The following DPP10 variants were observed in gnomAD, a reference collection of about 807,000 sequenced individuals.
DPP10 encodes the protein inactive dipeptidyl peptidase 10.
In DPP10, 33 loss-of-function variants were observed where a neutral mutation model predicts 120.9. The ratio of observed to expected loss-of-function variants is 0.27; its 90% CI spans 0.21 to 0.37. The LOEUF (loss-of-function observed/expected upper bound fraction) is 0.37. DPP10 is among the 10% of genes least tolerant of loss of function. The probability of loss-of-function intolerance (pLI) is 1.00; values close to 1 mark genes in which losing one functional copy is unlikely to be tolerated. For synonymous variants in DPP10, 337 were observed against 326.1 expected, an observed-to-expected ratio of 1.03 and a Z score of -0.36; for missense variants, 816 against 942.8, an observed-to-expected ratio of 0.87 and a Z score of 1.76.
intron 5 of DPP10, among the ~76,000 whole-genome samples, chr2:115,609,784 C>T (rs2149246986): frequency 6.6e-6 from 1 of 152,056 alleles, no homozygotes; most frequent in South Asian, 2.1e-4. Context: ...ATTAATGGCT[C>T]AGCTGTGAAT....
At chr2:115,154,277 C>A (rs542054537) in intron 1 of DPP10, among the ~76,000 whole-genome samples, 1 of 152,270 alleles carries the variant, frequency 6.6e-6, no homozygotes, top group East Asian at 1.9e-4. Flanking sequence ...ACATAATTCT[C>A]TCCAAATTCT....
At chr2:115,686,065 G>A (rs1233452250) in intron 5 of DPP10, among the ~76,000 whole-genome samples, 3 of 152,002 alleles carry the variant, frequency 2.0e-5, no homozygotes, top group East Asian at 1.9e-4. Context: ...AAGGTTGAAC[G>A]AGGTGACACT....
intron 3 of DPP10, among the ~76,000 whole-genome samples, chr2:115,494,681 C>G (rs1388097329): frequency 1.3e-5 from 2 of 151,972 alleles, no homozygotes; most frequent in African/African-American, 4.8e-5. Context: ...TTCATTTTTT[C>G]CACATTTTAT....
At chr2:114,559,312 C>T (rs1279934572) in intron 1 of DPP10, among the ~76,000 whole-genome samples, 4 of 152,134 alleles carry the variant, frequency 2.6e-5, no homozygotes, top group Non-Finnish European at 5.9e-5. Context: ...TGAGAAGAGG[C>T]AGAGGTCAGA....
At chr2:115,001,032 G>A (rs1701404887) in intron 1 of DPP10, among the ~76,000 whole-genome samples, 2 of 152,138 alleles carry the variant, frequency 1.3e-5, no homozygotes, top group African/African-American at 4.8e-5. Flanking sequence ...GCAAGAAAAT[G>A]TAGAACCTAT....
chr2:114,985,858 G>T (rs1022779481), intron 1 of DPP10, among the ~76,000 whole-genome samples: 8 of 152,116 alleles, frequency 5.3e-5, no homozygotes, highest in Admixed American at 1.3e-4. Context: ...TCTGTATTTG[G>T]TAATTTTCAA....
chr2:114,719,622 A>G (rs1256996843), intron 1 of DPP10, among the ~76,000 whole-genome samples: 2 of 152,212 alleles, frequency 1.3e-5, no homozygotes, highest in Non-Finnish European at 2.9e-5. Flanking sequence ...ATTTGCAACT[A>G]AGATGTTGTA....
chr2:115,011,146 T>A (rs1233402232), intron 1 of DPP10, among the ~76,000 whole-genome samples: 2 of 152,232 alleles, frequency 1.3e-5, no homozygotes, highest in East Asian at 3.9e-4. Context: ...GAACATACAC[T>A]GCATAATTTT....
At chr2:115,075,184 T>C (rs1026758439) in intron 1 of DPP10, among the ~76,000 whole-genome samples, 9 of 152,254 alleles carry the variant, frequency 5.9e-5, no homozygotes, top group African/African-American at 1.9e-4. Context: ...TGTGATAGCA[T>C]TGACTGCTGA....
intron 1 of DPP10, among the ~76,000 whole-genome samples, chr2:115,252,724 T>C (rs749974000): frequency 6.6e-6 from 1 of 152,198 alleles, no homozygotes; most frequent in Admixed American, 6.5e-5. Context: ...TATTTCTTTA[T>C]GTACTTGAAT....
At chr2:114,868,695 A>C (rs545211607) in intron 1 of DPP10, among the ~76,000 whole-genome samples, 4 of 152,222 alleles carry the variant, frequency 2.6e-5, no homozygotes, top group Non-Finnish European at 4.4e-5. Flanking sequence ...GAACAAAAGC[A>C]TCTACTGGAA....
At chr2:115,052,685 C>G (rs1215389137) in intron 1 of DPP10, among the ~76,000 whole-genome samples, 1 of 152,160 alleles carries the variant, frequency 6.6e-6, no homozygotes, top group East Asian at 1.9e-4. Flanking sequence ...GGCGTGGTGG[C>G]TCACACCTAT....
At chr2:115,761,565 G>A (rs1205081507) in intron 11 of DPP10, among the ~76,000 whole-genome samples, 1 of 151,982 alleles carries the variant, frequency 6.6e-6, no homozygotes, top group African/African-American at 2.4e-5. Flanking sequence ...ACAAGCAGTG[G>A]CATTGGTATC....
intron 1 of DPP10, among the ~76,000 whole-genome samples, chr2:114,716,949 G>T (rs978809081): frequency 6.6e-6 from 1 of 152,076 alleles, no homozygotes; most frequent in Non-Finnish European, 1.5e-5. Flanking sequence ...AATATAAGAC[G>T]TACACAGCTT....
chr2:114,716,844 G>C (rs1245329699), intron 1 of DPP10, among the ~76,000 whole-genome samples: 1 of 152,098 alleles, frequency 6.6e-6, no homozygotes, highest in Admixed American at 6.6e-5. Flanking sequence ...TTTGAGGAAG[G>C]GTAACCAGTT....
chr2:115,546,664 C>T (rs904288652), intron 5 of DPP10, among the ~76,000 whole-genome samples: 4 of 152,078 alleles, frequency 2.6e-5, no homozygotes, highest in Admixed American at 6.6e-5. Context: ...TTAAACTTAT[C>T]AAAGACCAGC....
chr2:114,695,751 A>T (rs1197168328), intron 1 of DPP10, among the ~76,000 whole-genome samples: 2 of 152,106 alleles, frequency 1.3e-5, no homozygotes, highest in Non-Finnish European at 2.9e-5. Context: ...ATAATTGCAC[A>T]GGAGAATTGG....
At chr2:114,632,570 T>C (rs1695012935) in intron 1 of DPP10, among the ~76,000 whole-genome samples, 1 of 138,612 alleles carries the variant, frequency 7.2e-6, no homozygotes, top group African/African-American at 2.7e-5. Context: ...TGGAGTGTAG[T>C]GGTGCGATCT....
intron 1 of DPP10, among the ~76,000 whole-genome samples, chr2:114,885,335 G>A (rs1323872309): frequency 1.3e-5 from 2 of 152,106 alleles, no homozygotes; most frequent in East Asian, 1.9e-4. Context: ...CGAGGACAGC[G>A]CCGAGGGGAT....
Sources: allele counts gnomAD v4.1 joint callset (sites outside exome capture counted in the v4.1 genomes callset), GRCh38; gene constraint gnomAD v4.1.1; transcripts MANE v1.5; gene names NCBI Gene and HGNC (gene_info 2026-07-23, HGNC 2026-07-21).